OSBP2: variants seen among roughly 807,000 people sequenced by gnomAD.
The protein encoded by OSBP2 is oxysterol-binding protein 2.
In OSBP2, 66 loss-of-function variants were observed where a neutral mutation model predicts 96.0. The observed-to-expected ratio is 0.69, with a 90% CI of 0.56 to 0.84. The LOEUF (loss-of-function observed/expected upper bound fraction) is 0.84, where lower values mean the gene tolerates loss of function less well. OSBP2 is among the 40% of genes least tolerant of loss of function. The probability of loss-of-function intolerance (pLI) is 0.00; values close to 1 mark genes in which losing one functional copy is unlikely to be tolerated. For missense variants in OSBP2, 1,038 were observed against 1,222.7 expected, an observed-to-expected ratio of 0.85 and a Z score of 2.25; for synonymous variants, 525 against 520.9, an observed-to-expected ratio of 1.01 and a Z score of -0.11.
chr22:30,725,207 A>C (rs79140161), intron 1 of OSBP2, among the ~76,000 whole-genome samples: 7,439 of 148,836 alleles, frequency 0.05, 643 homozygotes, highest in African/African-American at 0.17. Flanking sequence ...CAAAAAAAAA[A>C]CAAAAACAAA....
At chr22:30,715,356 A>ATC (rs1190417995) in intron 1 of OSBP2, among the ~76,000 whole-genome samples, 5 of 142,432 alleles carry the variant, frequency 3.5e-5, no homozygotes, top group Non-Finnish European at 6.1e-5. Flanking sequence ...AGTGATGAGC[A>ATC]TCTCTCTCTC....
At chr22:30,869,620 C>T (rs1343295878) in intron 2 of OSBP2, among the ~76,000 whole-genome samples, 1 of 152,222 alleles carries the variant, frequency 6.6e-6, no homozygotes, top group Non-Finnish European at 1.5e-5. Context: ...CTACAGCCTT[C>T]ACCTCCCTGG....
chr22:30,843,477 G>A (rs1311415345), intron 2 of OSBP2, among the ~76,000 whole-genome samples: 6 of 148,500 alleles, frequency 4.0e-5, no homozygotes, highest in African/African-American at 1.3e-4. Flanking sequence ...GGTCCTGACA[G>A]TGGGCTTAAA....
chr22:30,799,683 C>CA (rs2090823379), intron 2 of OSBP2, among the ~76,000 whole-genome samples: 1 of 152,218 alleles, frequency 6.6e-6, no homozygotes, highest in South Asian at 2.1e-4. Flanking sequence ...ATAGAAGTGG[C>CA]AAATGCCTTT....
intron 12 of OSBP2, chr22:30,902,121 A>AAAC: frequency 8.9e-6 from 2 of 224,804 alleles, no homozygotes; most frequent in South Asian, 1.4e-4. Context: ...AAAAAAAAAA[A>AAAC]AAACGAAAAA....
intron 2 of OSBP2, among the ~76,000 whole-genome samples, chr22:30,825,723 G>T (rs1165491032): frequency 3.3e-5 from 5 of 152,224 alleles, no homozygotes; most frequent in Non-Finnish European, 5.9e-5. Context: ...GGCATGGTGG[G>T]CTCACCAGAG....
intron 2 of OSBP2, among the ~76,000 whole-genome samples, chr22:30,862,775 C>A (rs2039242491): frequency 6.6e-6 from 1 of 151,926 alleles, no homozygotes; most frequent in South Asian, 2.1e-4. Context: ...CGTTCCTGAC[C>A]AGCCTGGCCA....
chr22:30,831,812 G>T (rs1397651041), intron 2 of OSBP2, among the ~76,000 whole-genome samples: 1 of 152,044 alleles, frequency 6.6e-6, no homozygotes, highest in African/African-American at 2.4e-5. Flanking sequence ...GAGTCTGATG[G>T]GAGGCCACTT....
chr22:30,864,645 C>A (rs2039292633), intron 2 of OSBP2, among the ~76,000 whole-genome samples: 1 of 152,080 alleles, frequency 6.6e-6, no homozygotes, highest in African/African-American at 2.4e-5. Context: ...CTCCCCCAGG[C>A]CCCTGCTCTT....
At chr22:30,868,544 T>C (rs528687581) in intron 2 of OSBP2, among the ~76,000 whole-genome samples, 9 of 152,304 alleles carry the variant, frequency 5.9e-5, no homozygotes, top group Non-Finnish European at 1.2e-4. Flanking sequence ...CTCTGAGAGG[T>C]GAAGCCATGC....
At chr22:30,844,219 A>G (rs1216345835) in intron 2 of OSBP2, among the ~76,000 whole-genome samples, 1 of 152,182 alleles carries the variant, frequency 6.6e-6, no homozygotes, top group African/African-American at 2.4e-5. Context: ...TTGGAATGGT[A>G]AATGAATATT....
At chr22:30,822,256 G>T (rs562780622) in intron 2 of OSBP2, among the ~76,000 whole-genome samples, 9 of 152,378 alleles carry the variant, frequency 5.9e-5, no homozygotes, top group African/African-American at 1.4e-4. Context: ...GCTTGTTGCT[G>T]CAGGGGACAG....
intron 2 of OSBP2, among the ~76,000 whole-genome samples, chr22:30,790,028 G>A (rs2090650161): frequency 2.6e-5 from 4 of 152,168 alleles, no homozygotes; most frequent in Admixed American, 2.6e-4. Flanking sequence ...CAATGTGCAA[G>A]GGGAGAGGGT....
chr22:30,741,239 T>C lies in OSBP2; in HGVS notation c.723T>C (p.Cys241=), dbSNP rs1229449702. The C allele has an allele frequency of 6.2e-7, 1 of 1,614,146 alleles. No homozygotes were observed. Among genetic ancestry groups the C allele is most frequent in the Non-Finnish European group, 8.5e-7 (1 of 1,180,034 alleles). Residue 241 remains cysteine (C), a synonymous_variant, in exon 2 of 14, where the codon TGT becomes TGC. Transcript: ENST00000332585. ...STAHIDTEDS[C]GILLTSGARS... ...CGCACATTGACACGGAGGACTCTTGTGGTATCTTGCTGACCAGTGGGGCCA... is the reference window on the plus strand; with the variant it reads ...CGCACATTGACACGGAGGACTCTTGCGGTATCTTGCTGACCAGTGGGGCCA...
chr22:30,872,517 A>G, intron 3 of OSBP2: 1 of 382,220 alleles, frequency 2.6e-6, no homozygotes. Flanking sequence ...GAATTGTTTT[A>G]TGAGAAGCAC....
At chr22:30,816,007 G>A (rs567617808) in intron 2 of OSBP2, among the ~76,000 whole-genome samples, 3 of 152,220 alleles carry the variant, frequency 2.0e-5, no homozygotes, top group East Asian at 1.9e-4. Flanking sequence ...GCATCACAGC[G>A]CCTTGATGAA....
At position 30,694,924 on chromosome 22, in the gene OSBP2, G is replaced by T. The variant is rs961349966; in HGVS notation, c.15G>T (p.Ala5=). ...CGGCCGGCTCTATGGGGAAAGCGGC[G>T]GCTCCGAGCCGAGGCGGCGGCTGTG... MGKA[A]APSRGGGCGG... Residue 5 remains alanine, a synonymous_variant, in exon 1 of 14, where the codon GCG becomes GCT. Transcript: ENST00000332585. The T allele has an allele frequency of 4.8e-6, 7 of 1,456,808 alleles. No individual in the cohort carries two copies. Among genetic ancestry groups the T allele is most frequent in the Non-Finnish European group, 6.3e-6 (7 of 1,112,638 alleles). 90.2% of individuals were successfully genotyped at this position (1,456,808 alleles called of 1,614,324 possible). A position where few individuals can be genotyped will look rare whatever the true frequency, so the allele number is the denominator to read the frequency against.
At chr22:30,698,397 C>G (rs2089090389) in intron 1 of OSBP2, among the ~76,000 whole-genome samples, 1 of 151,818 alleles carries the variant, frequency 6.6e-6, no homozygotes, top group African/African-American at 2.4e-5. Flanking sequence ...CTCTTGCTGG[C>G]TTCTCTTTTG....
intron 3 of OSBP2, among the ~76,000 whole-genome samples, chr22:30,883,901 G>C (rs1289216102): frequency 4.6e-5 from 7 of 152,178 alleles, no homozygotes; most frequent in Non-Finnish European, 2.9e-5. Context: ...TCACTCTAAG[G>C]CCTACAGCAG....
Sources: allele counts gnomAD v4.1 joint callset (sites outside exome capture counted in the v4.1 genomes callset), GRCh38; gene constraint gnomAD v4.1.1; transcripts MANE v1.5; gene names NCBI Gene and HGNC (gene_info 2026-07-23, HGNC 2026-07-21).